PHF21B: variants seen among roughly 807,000 people sequenced by gnomAD.
The protein encoded by PHF21B is PHD finger protein 4.
PHF21B carries 22 observed loss-of-function variants against 62.2 expected under a neutral mutation model. The ratio of observed to expected loss-of-function variants is 0.35; its 90% CI spans 0.25 to 0.51. The LOEUF is 0.51. PHF21B is among the 20% of genes least tolerant of loss of function. The pLI is 0.97. For missense variants in PHF21B, 701 were observed against 707.9 expected (o/e 0.99, Z 0.11); for synonymous variants, 341 against 314.7 (o/e 1.08, Z -0.88).
At chr22:44,987,732 T>G (rs1351201574) in intron 2 of PHF21B, among the ~76,000 whole-genome samples, 2 of 151,266 alleles carry the variant, frequency 1.3e-5, no homozygotes, top group Non-Finnish European at 2.9e-5. Flanking sequence ...TTACGGTTCT[T>G]AAATCCATGG....
chr22:44,978,009 T>C (rs1342024312), intron 2 of PHF21B, among the ~76,000 whole-genome samples: 1 of 152,168 alleles, frequency 6.6e-6, no homozygotes, highest in East Asian at 1.9e-4. Context: ...CTCATTCCTT[T>C]TCCTTGCTGT....
At chr22:44,901,635 G>C in intron 5 of PHF21B, 1 of 472,750 alleles carries the variant, frequency 2.1e-6, no homozygotes, top group Non-Finnish European at 3.4e-6. Flanking sequence ...CCGAAGCCAA[G>C]AAGGCTGATG....
chr22:44,891,188 C>G, intron 8 of PHF21B, 118 bp downstream of exon 8: 1 of 1,126,466 alleles, frequency 8.9e-7, no homozygotes, highest in Non-Finnish European at 1.3e-6. Context: ...TTCCTCTGCC[C>G]AGGTCAGACC....
intron 2 of PHF21B, among the ~76,000 whole-genome samples, chr22:44,944,364 G>C (rs1018272083): frequency 1.3e-5 from 2 of 152,178 alleles, no homozygotes. Context: ...TGTGCTGGGA[G>C]GGGCACTATG....
chr22:44,903,758 T>G (rs1213699596), intron 5 of PHF21B, among the ~76,000 whole-genome samples: 1 of 152,240 alleles, frequency 6.6e-6, no homozygotes, highest in Non-Finnish European at 1.5e-5. Context: ...TCGTGACTGT[T>G]AAATTATCTT....
chr22:44,996,178 C>T (rs9614594), intron 2 of PHF21B, among the ~76,000 whole-genome samples: 36 of 152,196 alleles, frequency 2.4e-4, no homozygotes, highest in African/African-American at 8.4e-4. Flanking sequence ...GCGCCCAGCC[C>T]TCAGCAGGAC....
intron 2 of PHF21B, among the ~76,000 whole-genome samples, chr22:44,964,508 GACTCGGCAGGAGAAGATTTT>G (rs1458476760): frequency 6.6e-6 from 1 of 152,244 alleles, no homozygotes; most frequent in African/African-American, 2.4e-5. Flanking sequence ...AACAGCCCCT[GACTCGGCAGGAGAAGATTTT>G]ACTCACTGCG....
intron 7 of PHF21B, among the ~76,000 whole-genome samples, chr22:44,891,601 C>G (rs1420208573): frequency 6.6e-6 from 1 of 152,154 alleles, no homozygotes; most frequent in African/African-American, 2.4e-5. Flanking sequence ...CTGCAGGAGG[C>G]CTAGGACACC....
Position 44,881,320 on chromosome 22 carries a change from C to A in PHF21B, c.*1766G>T, listed in dbSNP as rs1569201151. 6.5e-6 allele frequency: 1 copy of A among 152,700 alleles called. No individual in the cohort carries two copies. Among genetic ancestry groups the A allele is most frequent in the Non-Finnish European group, 1.5e-5 (1 of 68,060 alleles). The allele number at this position is 152,700 out of a possible 1,614,324, so 9.5% of individuals were successfully genotyped here. A position where few individuals can be genotyped will look rare whatever the true frequency, so the allele number is the denominator to read the frequency against. On this transcript the variant is annotated 3_prime_UTR_variant, in exon 13 of 13. Transcript: ENST00000313237. ...TCAAGACACATCGGCAGCTACCCCTCCCGGGTCCAACCTTTCAGATCCTCC... is the reference window on the plus strand; with the variant it reads ...TCAAGACACATCGGCAGCTACCCCTACCGGGTCCAACCTTTCAGATCCTCC...
chr22:44,960,672 G>A (rs544282527), intron 2 of PHF21B, among the ~76,000 whole-genome samples: 2 of 152,338 alleles, frequency 1.3e-5, no homozygotes, highest in Non-Finnish European at 2.9e-5. Flanking sequence ...TTAGTGGCCT[G>A]AGTAAAGCAG....
At position 45,008,348 on chromosome 22, in the gene PHF21B, G is replaced by A. The variant is rs1403611088; in HGVS notation, c.120+197C>T. On this transcript the variant is annotated intron_variant, in intron 2 of 12. Coordinates refer to ENST00000313237, the MANE Select transcript of PHF21B (RefSeq NM_138415.5). ...CCTCTCTTCGGCCCCCGCAGGGCCCGGCTCTCCCTGCCGCCTCCGAGAACC... is the reference window on the plus strand; with the variant it reads ...CCTCTCTTCGGCCCCCGCAGGGCCCAGCTCTCCCTGCCGCCTCCGAGAACC... 2.4e-5 allele frequency: 11 copies of A among 462,246 alleles called. No homozygotes were observed. In the East Asian group the frequency reaches 2.9e-4, roughly 12 times the overall value. The allele number at this position is 462,246 out of a possible 1,614,324, so 28.6% of individuals were successfully genotyped here.
At chr22:44,946,797 G>A (rs1213469909) in intron 2 of PHF21B, among the ~76,000 whole-genome samples, 4 of 152,150 alleles carry the variant, frequency 2.6e-5, no homozygotes, top group African/African-American at 7.2e-5. Flanking sequence ...CCAGCCCAAG[G>A]CCATGAACAT....
chr22:45,003,725 G>C (rs1302483815), intron 2 of PHF21B: 1 of 152,242 alleles, frequency 6.6e-6, no homozygotes, highest in Non-Finnish European at 1.5e-5. Flanking sequence ...CTCACAACAG[G>C]AAAAGGTGGA....
At chr22:44,896,253 G>T (rs1224762535) in intron 5 of PHF21B, among the ~76,000 whole-genome samples, 170 bp from the exon 6 acceptor site, 1 of 152,204 alleles carries the variant, frequency 6.6e-6, no homozygotes, top group Non-Finnish European at 1.5e-5. Context: ...GGGGAAATAG[G>T]ATTTCCAAAG....
intron 3 of PHF21B, among the ~76,000 whole-genome samples, chr22:44,919,725 A>C (rs892583187): frequency 2.0e-5 from 3 of 152,274 alleles, no homozygotes; most frequent in African/African-American, 7.2e-5. Context: ...GAGCTGGCTA[A>C]TAACTACCTG....
At chr22:44,943,544 G>T (rs563400055) in intron 2 of PHF21B, among the ~76,000 whole-genome samples, 1 of 152,138 alleles carries the variant, frequency 6.6e-6, no homozygotes, top group Non-Finnish European at 1.5e-5. Context: ...GTGGGGACAC[G>T]GGCAGCTGCA....
rs577523570 is a variant in PHF21B at position 44,955,595 on chromosome 22, C to T, written c.121-35105G>A. On this transcript the variant is annotated intron_variant, in intron 2 of 12. Coordinates refer to ENST00000313237, the MANE Select transcript of PHF21B (RefSeq NM_138415.5). ...GAAGGGTGGCTTCTCTCTTCCTGAG[C>T]GGGGAGATCCTCCTTCTCCTGCTCT... is the stretch of plus-strand genomic sequence containing the variant. 2.2e-3 allele frequency among the ~76,000 whole-genome samples: 333 copies of T among 152,310 alleles called. 4 individuals carry two copies. The South Asian group carries it at 0.022, about 10-fold the overall frequency.
intron 2 of PHF21B, among the ~76,000 whole-genome samples, chr22:44,947,486 T>G (rs1017587246): frequency 6.6e-6 from 1 of 152,184 alleles, no homozygotes; most frequent in Admixed American, 6.5e-5. Flanking sequence ...GCAGCTCCCA[T>G]GAATGGCCTG....
At chr22:44,944,158 G>T (rs952719793) in intron 2 of PHF21B, among the ~76,000 whole-genome samples, 7 of 152,194 alleles carry the variant, frequency 4.6e-5, no homozygotes, top group Non-Finnish European at 7.3e-5. Flanking sequence ...AGGACTGTGC[G>T]CCCAGCATCC....
Sources: gnomAD v4.1 joint callset for allele counts (sites outside exome capture counted in the v4.1 genomes callset) on GRCh38, gnomAD v4.1.1 for gene constraint, MANE v1.5 for transcripts, NCBI Gene and HGNC (gene_info 2026-07-23, HGNC 2026-07-21) for gene names.